NPAS3: variants seen among roughly 807,000 people sequenced by gnomAD.
NPAS3 encodes the protein neuronal PAS domain protein 3, also known as neuronal PAS domain-containing protein 3.
NPAS3 carries 14 observed loss-of-function variants against 73.1 expected under a neutral mutation model. That is an observed-to-expected ratio of 0.19 (90% CI 0.13 to 0.30). NPAS3 has a LOEUF of 0.30. Ranked by LOEUF, NPAS3 falls within the 10% of genes least tolerant of loss-of-function variation. The pLI is 1.00. For synonymous variants in NPAS3, 620 were observed against 541.5 expected, an observed-to-expected ratio of 1.14 and a Z score of -2.01; for missense variants, 1,096 against 1,250.0, an observed-to-expected ratio of 0.88 and a Z score of 1.86.
At chr14:33,072,903 A>T (rs932590989) in intron 2 of NPAS3, among the ~76,000 whole-genome samples, 1 of 152,050 alleles carries the variant, frequency 6.6e-6, no homozygotes, top group African/African-American at 2.4e-5. Context: ...TTGGTATTTC[A>T]TTTATAAGAA....
intron 4 of NPAS3, among the ~76,000 whole-genome samples, chr14:33,556,834 C>A (rs2055378269): frequency 6.6e-6 from 1 of 152,164 alleles, no homozygotes; most frequent in African/African-American, 2.4e-5. Flanking sequence ...CCTTCTGCAC[C>A]CAACCAGGCT....
chr14:33,337,589 A>C (rs1048689564), intron 3 of NPAS3, among the ~76,000 whole-genome samples: 7 of 151,994 alleles, frequency 4.6e-5, no homozygotes, highest in Non-Finnish European at 8.8e-5. Context: ...TTTTCATACA[A>C]AGTTTAGGAT....
chr14:33,774,244 G>T (rs2062742225), intron 7 of NPAS3, 93 bp from the exon 8 acceptor site: 11 of 924,884 alleles, frequency 1.2e-5, no homozygotes, highest in African/African-American at 3.3e-5. Flanking sequence ...AATGTTGGTT[G>T]TTCCAGATGT....
chr14:33,132,613 C>T (rs909677685), intron 2 of NPAS3, among the ~76,000 whole-genome samples: 22 of 151,938 alleles, frequency 1.4e-4, no homozygotes, highest in African/African-American at 4.1e-4. Flanking sequence ...GGTGAGAAGA[C>T]GGGAAGTTCA....
intron 7 of NPAS3, among the ~76,000 whole-genome samples, chr14:33,744,569 C>G (rs182020067): frequency 1.7e-3 from 259 of 152,146 alleles, no homozygotes; most frequent in African/African-American, 6.0e-3. Context: ...GGGAGGATCG[C>G]TTGAGCTCAG....
At chr14:33,710,518 G>A (rs1021695077) in intron 6 of NPAS3, among the ~76,000 whole-genome samples, 6 of 152,142 alleles carry the variant, frequency 3.9e-5, no homozygotes, top group African/African-American at 7.2e-5. Flanking sequence ...AGCCGAGGCC[G>A]CATTCTTCTC....
intron 5 of NPAS3, among the ~76,000 whole-genome samples, chr14:33,603,293 A>C (rs1567045608): frequency 6.6e-6 from 1 of 152,210 alleles, no homozygotes; most frequent in Non-Finnish European, 1.5e-5. Flanking sequence ...ACTATGCAAA[A>C]TGAAATACAG....
At chr14:33,202,493 G>T (rs766168408) in intron 2 of NPAS3, among the ~76,000 whole-genome samples, 6 of 152,064 alleles carry the variant, frequency 3.9e-5, no homozygotes, top group Non-Finnish European at 7.4e-5. Context: ...TTCCTCAAAG[G>T]CAGATTTTTA....
intron 5 of NPAS3, among the ~76,000 whole-genome samples, chr14:33,648,055 C>T (rs2058884642): frequency 1.3e-5 from 2 of 152,136 alleles, no homozygotes; most frequent in Admixed American, 1.3e-4. Context: ...CTCTCTCACC[C>T]CTCTCCGTTT....
chr14:33,207,068 C>T (rs529922207), intron 2 of NPAS3, among the ~76,000 whole-genome samples: 3 of 152,270 alleles, frequency 2.0e-5, no homozygotes, highest in East Asian at 1.9e-4. Context: ...TCTAAACTTG[C>T]GACCTGAAGA....
intron 2 of NPAS3, among the ~76,000 whole-genome samples, chr14:33,172,456 C>T (rs1225189148): frequency 6.6e-6 from 1 of 152,124 alleles, no homozygotes; most frequent in Admixed American, 6.6e-5. Flanking sequence ...TAAAAATTGG[C>T]CAGACCCGGT....
chr14:33,136,351 G>A (rs145756904), intron 2 of NPAS3, among the ~76,000 whole-genome samples: 3 of 152,102 alleles, frequency 2.0e-5, no homozygotes, highest in African/African-American at 7.2e-5. Context: ...GAGCCACTGC[G>A]CCTGGCCAAA....
At chr14:33,512,504 G>C (rs1028283994) in intron 4 of NPAS3, among the ~76,000 whole-genome samples, 2 of 152,038 alleles carry the variant, frequency 1.3e-5, no homozygotes, top group African/African-American at 4.8e-5. Flanking sequence ...TGACTCAAAT[G>C]TTATAACAAA....
intron 4 of NPAS3, among the ~76,000 whole-genome samples, chr14:33,412,157 C>T (rs1221239154): frequency 6.6e-6 from 1 of 152,060 alleles, no homozygotes; most frequent in Non-Finnish European, 1.5e-5. Flanking sequence ...CTCACTCTGT[C>T]CCCCAGGCTG....
At chr14:33,469,936 G>A (rs1485607665) in intron 4 of NPAS3, among the ~76,000 whole-genome samples, 2 of 152,112 alleles carry the variant, frequency 1.3e-5, no homozygotes, top group Non-Finnish European at 2.9e-5. Context: ...GGTTTTCTCA[G>A]CTTCACTTGG....
At chr14:33,271,870 G>T (rs2041102493) in intron 3 of NPAS3, among the ~76,000 whole-genome samples, 2 of 151,982 alleles carry the variant, frequency 1.3e-5, no homozygotes, top group South Asian at 4.1e-4. Context: ...TGAAATAAAG[G>T]ATGGGCTCTT....
intron 1 of NPAS3, among the ~76,000 whole-genome samples, chr14:32,968,553 T>C (rs1024991793): frequency 6.6e-6 from 1 of 152,226 alleles, no homozygotes; most frequent in Non-Finnish European, 1.5e-5. Context: ...TATGAATTAC[T>C]TGTTTTCTAA....
intron 6 of NPAS3, among the ~76,000 whole-genome samples, chr14:33,683,131 A>G (rs1010784203): frequency 6.6e-6 from 1 of 152,150 alleles, no homozygotes; most frequent in Non-Finnish European, 1.5e-5. Context: ...ATAAATTAAT[A>G]CAGTGATATT....
chr14:33,269,872 A>G (rs1031782114), intron 3 of NPAS3, among the ~76,000 whole-genome samples: 2 of 152,204 alleles, frequency 1.3e-5, no homozygotes, highest in Non-Finnish European at 2.9e-5. Flanking sequence ...CCAGTGATTT[A>G]CAGAACTATG....
Sources: allele counts gnomAD v4.1 joint callset (sites outside exome capture counted in the v4.1 genomes callset), GRCh38; gene constraint gnomAD v4.1.1; transcripts MANE v1.5; gene names NCBI Gene and HGNC (gene_info 2026-07-23, HGNC 2026-07-21).